Variants in NFATC2 observed in about 807,000 individuals in gnomAD.
The protein encoded by NFATC2 is nuclear factor of activated T-cells, cytoplasmic 2.
Under a neutral mutation model 87.3 loss-of-function variants are expected in NFATC2, and 22 were observed. That is an observed-to-expected ratio of 0.25 (90% CI 0.18 to 0.36). The LOEUF is 0.36. Ranked by LOEUF, NFATC2 falls within the 10% of genes least tolerant of loss-of-function variation. The probability of loss-of-function intolerance (pLI) is 1.00; values close to 1 mark genes in which losing one functional copy is unlikely to be tolerated. For missense variants in NFATC2, 1,149 were observed against 1,259.1 expected (o/e 0.91, Z 1.32); for synonymous variants, 565 against 542.2 (o/e 1.04, Z -0.58).
chr20:51,470,365 C>G (rs146960733), intron 5 of NFATC2, among the ~76,000 whole-genome samples: 160 of 152,260 alleles, frequency 1.1e-3, no homozygotes, highest in African/African-American at 3.6e-3. Context: ...ACTGGAAACA[C>G]AAGAGTGCCA....
intron 1 of NFATC2, among the ~76,000 whole-genome samples, chr20:51,540,653 T>TTTTTTTTG (rs1442791698): frequency 0.012 from 1,616 of 132,190 alleles, 21 homozygotes; most frequent in Middle Eastern, 0.034. Flanking sequence ...TGAAGTTTTT[T>TTTTTTTTG]TTTTGTTTTT....
At chr20:51,510,767 G>T (rs1365430462) in intron 3 of NFATC2, among the ~76,000 whole-genome samples, 1 of 152,202 alleles carries the variant, frequency 6.6e-6, no homozygotes, top group Non-Finnish European at 1.5e-5. Context: ...GATTACAGGT[G>T]TGAGCCACCA....
At chr20:51,489,743 T>C (rs1600855387) in intron 3 of NFATC2, among the ~76,000 whole-genome samples, 1 of 152,194 alleles carries the variant, frequency 6.6e-6, no homozygotes, top group East Asian at 1.9e-4. Flanking sequence ...GAAACTGCCA[T>C]GTACAAAGAG....
Position 51,477,706 on chromosome 20 carries a change from T to C in NFATC2, c.1333-2046A>G, listed in dbSNP as rs192946795. On this transcript the variant is annotated intron_variant, in intron 3 of 10. Transcript: ENST00000371564. Reference sequence around the variant, plus strand: ...GTGCCTCTATTCCTTTCTCCACTAATTGAGTGGGACTACAGGTGACAACTC... The same window carrying C: ...GTGCCTCTATTCCTTTCTCCACTAACTGAGTGGGACTACAGGTGACAACTC... Among the ~76,000 whole-genome samples the C allele has an allele frequency of 2.0e-3, 298 of 151,786 alleles. 1 individual carries two copies. Among genetic ancestry groups the C allele is most frequent in the Non-Finnish European group, 3.4e-3 (229 of 67,912 alleles).
chr20:51,464,258 G>A (rs1022424464), intron 5 of NFATC2, among the ~76,000 whole-genome samples: 2 of 152,222 alleles, frequency 1.3e-5, no homozygotes, highest in Non-Finnish European at 2.9e-5. Context: ...CACAAAGGAG[G>A]CACTTGAGTT....
intron 3 of NFATC2, among the ~76,000 whole-genome samples, chr20:51,486,745 A>C (rs191773257): frequency 7.2e-4 from 109 of 152,200 alleles, no homozygotes; most frequent in African/African-American, 2.5e-3. Flanking sequence ...CATATTGCCG[A>C]GTGATTCATT....
intron 1 of NFATC2, among the ~76,000 whole-genome samples, chr20:51,533,815 C>T (rs1052435436): frequency 6.6e-6 from 1 of 152,194 alleles, no homozygotes; most frequent in Non-Finnish European, 1.5e-5. Flanking sequence ...CGCGCTGACA[C>T]GTATTGCTTT....
intron 6 of NFATC2, among the ~76,000 whole-genome samples, chr20:51,436,956 A>G (rs1480623130): frequency 6.6e-6 from 1 of 152,074 alleles, no homozygotes; most frequent in African/African-American, 2.4e-5. Flanking sequence ...CAAGTCACTG[A>G]AGAGCAGAAA....
At chr20:51,529,654 G>T (rs1487891391) in intron 1 of NFATC2, among the ~76,000 whole-genome samples, 1 of 152,230 alleles carries the variant, frequency 6.6e-6, no homozygotes, top group Non-Finnish European at 1.5e-5. Flanking sequence ...TTTCCAAAAA[G>T]CTTGCTTTTT....
In NFATC2 at chr20:51,542,553, C is replaced by T. The variant is rs1415680631; in HGVS notation, c.-54G>A. 3 of 1,311,456 alleles carry T rather than the reference C, an allele frequency of 2.3e-6. No individual in the cohort carries two copies. The highest frequency in any genetic ancestry group is 2.9e-6 in the Non-Finnish European group (3 of 1,030,196). The allele number at this position is 1,311,456 out of a possible 1,614,324, so 81.2% of individuals were successfully genotyped here. A position where few individuals can be genotyped will look rare whatever the true frequency, so the allele number is the denominator to read the frequency against. On this transcript the variant is annotated 5_prime_UTR_variant, in exon 1 of 11. Coordinates refer to ENST00000371564, the MANE Select transcript of NFATC2 (RefSeq NM_012340.5). ...CGGGGGCGAGGGCGGGCGCGGCTGGCTCTGGGACCCCTCGCAGTGGGGCTG... is the reference window on the plus strand; with the variant it reads ...CGGGGGCGAGGGCGGGCGCGGCTGGTTCTGGGACCCCTCGCAGTGGGGCTG...
At chr20:51,548,171 A>G (rs1417935051) in intron 1 of NFATC2, among the ~76,000 whole-genome samples, 1 of 152,032 alleles carries the variant, frequency 6.6e-6, no homozygotes, top group Non-Finnish European at 1.5e-5. Flanking sequence ...CTGTTCCTTG[A>G]TAACGCCCAC....
chr20:51,410,577 G>A (rs1216330859), intron 9 of NFATC2, among the ~76,000 whole-genome samples: 1 of 151,874 alleles, frequency 6.6e-6, no homozygotes, highest in East Asian at 1.9e-4. Flanking sequence ...AGAAAGGGAG[G>A]GAGAGAGAAG....
In NFATC2 at chr20:51,435,112, G is replaced by A. The variant is rs143060176; in HGVS notation, c.2032+76C>T. The A allele has an allele frequency of 9.8e-4, 1,525 of 1,560,536 alleles. 14 individuals carry two copies. The African/African-American group carries it at 0.019, about 19-fold the overall frequency. On this transcript the variant is annotated intron_variant, in intron 8 of 10. Transcript: ENST00000371564. Reference sequence around the variant, plus strand: ...TCTGTCCAAAGTTACCCGGCTAGGAGCAGACTTCAGGAGTCCTGAGCCCTG... The same window carrying A: ...TCTGTCCAAAGTTACCCGGCTAGGAACAGACTTCAGGAGTCCTGAGCCCTG...
intron 1 of NFATC2, among the ~76,000 whole-genome samples, chr20:51,561,428 A>G (rs544637676): frequency 3.4e-4 from 46 of 134,468 alleles, no homozygotes; most frequent in African/African-American, 1.1e-3. Context: ...AAGAGAGAGA[A>G]AGAAAAGAAA....
At chr20:51,479,837 C>T (rs1461003733) in intron 3 of NFATC2, among the ~76,000 whole-genome samples, 1 of 152,194 alleles carries the variant, frequency 6.6e-6, no homozygotes, top group Non-Finnish European at 1.5e-5. Context: ...AGGCTCCAAA[C>T]TCCAGCCTCT....
intron 10 of NFATC2, among the ~76,000 whole-genome samples, chr20:51,394,775 A>C (rs565694698): frequency 7.1e-6 from 1 of 140,980 alleles, no homozygotes; most frequent in South Asian, 2.1e-4. Context: ...TATTGCCATC[A>C]ACATTTTATT....
chr20:51,431,560 C>G (rs1359166916), intron 9 of NFATC2, among the ~76,000 whole-genome samples: 1 of 152,216 alleles, frequency 6.6e-6, no homozygotes, highest in Non-Finnish European at 1.5e-5. Context: ...TGCCCGCAGC[C>G]TGCCTGCAAG....
intron 1 of NFATC2, among the ~76,000 whole-genome samples, chr20:51,557,332 T>G (rs1340488950): frequency 6.6e-6 from 1 of 152,106 alleles, no homozygotes; most frequent in Non-Finnish European, 1.5e-5. Context: ...GAATCCAGAC[T>G]CCACCACTCG....
In NFATC2 at chr20:51,542,617, G is replaced by A. The variant is rs909860553; in HGVS notation, c.-118C>T. On this transcript the variant is annotated 5_prime_UTR_variant, in exon 1 of 11. Transcript: ENST00000371564. ...GAGCGGCGGGGTCCCTTTCCTCGTA[G>A]GGACGCACGCCGGGTCCGGGGACGG... The A allele has an allele frequency of 5.3e-5, 64 of 1,217,640 alleles. No homozygotes were observed. The African/African-American group carries it at 9.6e-4, about 18-fold the overall frequency. The allele number at this position is 1,217,640 out of a possible 1,614,324, so 75.4% of individuals were successfully genotyped here. A position where few individuals can be genotyped will look rare whatever the true frequency, so the allele number is the denominator to read the frequency against.
Sources: gnomAD v4.1 joint callset for allele counts (sites outside exome capture counted in the v4.1 genomes callset) on GRCh38, gnomAD v4.1.1 for gene constraint, MANE v1.5 for transcripts, NCBI Gene and HGNC (gene_info 2026-07-23, HGNC 2026-07-21) for gene names.